Variants in PRKG1 observed in about 807,000 individuals in gnomAD.
PRKG1 encodes protein kinase cGMP-dependent 1.
Under a neutral mutation model 88.1 loss-of-function variants are expected in PRKG1, and 35 were observed. That is an observed-to-expected ratio of 0.40 (90% confidence interval 0.30 to 0.53). The LOEUF is 0.53. Ranked by LOEUF, PRKG1 falls within the 20% of genes least tolerant of loss-of-function variation. The pLI is 0.59. For missense variants in PRKG1, 540 were observed against 839.8 expected (o/e 0.64, Z 4.41); for synonymous variants, 303 against 292.5 (o/e 1.04, Z -0.37).
At chr10:52,201,747 C>T (rs1641880260) in intron 9 of PRKG1, among the ~76,000 whole-genome samples, 1 of 151,910 alleles carries the variant, frequency 6.6e-6, no homozygotes, top group Admixed American at 6.6e-5. Context: ...TTGTGTAATT[C>T]ACTTTGTAGA....
intron 2 of PRKG1, among the ~76,000 whole-genome samples, chr10:51,447,953 C>G (rs757289525): frequency 1.3e-5 from 2 of 152,022 alleles, no homozygotes; most frequent in African/African-American, 4.8e-5. Flanking sequence ...TTGTTCAACT[C>G]AGTATCTAAT....
At chr10:51,124,385 G>A (rs982030874) in intron 1 of PRKG1, among the ~76,000 whole-genome samples, 1 of 151,988 alleles carries the variant, frequency 6.6e-6, no homozygotes, top group East Asian at 1.9e-4. Context: ...GTGTGGAGTG[G>A]GAGGATGGAG....
chr10:52,288,885 T>C, intron 15 of PRKG1, 37 bp downstream of exon 15: 1 of 1,595,534 alleles, frequency 6.3e-7, no homozygotes, highest in Non-Finnish European at 8.5e-7. Context: ...GAAAACATCA[T>C]AATGTGAAAA....
intron 4 of PRKG1, among the ~76,000 whole-genome samples, chr10:51,836,645 A>G (rs1840138506): frequency 6.6e-6 from 1 of 152,194 alleles, no homozygotes; most frequent in Non-Finnish European, 1.5e-5. Context: ...TAAGGGGTAT[A>G]CACTATCCAA....
At chr10:51,989,666 C>T (rs967038742) in intron 5 of PRKG1, among the ~76,000 whole-genome samples, 3 of 151,764 alleles carry the variant, frequency 2.0e-5, no homozygotes, top group Non-Finnish European at 2.9e-5. Context: ...AGAAATGCCT[C>T]ATAGTTCATT....
chr10:51,376,728 G>A (rs1842824604), intron 2 of PRKG1, among the ~76,000 whole-genome samples: 1 of 152,128 alleles, frequency 6.6e-6, no homozygotes, highest in Admixed American at 6.6e-5. Context: ...AGGCTGGAGT[G>A]CAAGGGTGCG....
intron 4 of PRKG1, among the ~76,000 whole-genome samples, chr10:51,876,380 A>T (rs1368151837): frequency 6.6e-6 from 1 of 152,214 alleles, no homozygotes; most frequent in Non-Finnish European, 1.5e-5. Context: ...GTAGCTGCTT[A>T]ATCTACCTGT....
chr10:51,933,891 G>T (rs551983539), intron 5 of PRKG1, among the ~76,000 whole-genome samples: 2 of 152,118 alleles, frequency 1.3e-5, no homozygotes, highest in East Asian at 3.9e-4. Context: ...CTTCAGCAGT[G>T]ACATAACACA....
At chr10:51,753,195 C>T (rs1312807911) in intron 3 of PRKG1, among the ~76,000 whole-genome samples, 1 of 151,746 alleles carries the variant, frequency 6.6e-6, no homozygotes, top group Non-Finnish European at 1.5e-5. Context: ...CATTGCTTAT[C>T]TAATCAATTT....
chr10:51,673,332 A>G (rs1400231292), intron 3 of PRKG1, among the ~76,000 whole-genome samples: 1 of 152,200 alleles, frequency 6.6e-6, no homozygotes, highest in East Asian at 1.9e-4. Flanking sequence ...CCAACATGAT[A>G]AGATGTTCTT....
At chr10:52,195,537 G>A (rs937583044) in intron 9 of PRKG1, among the ~76,000 whole-genome samples, 16 of 152,078 alleles carry the variant, frequency 1.1e-4, no homozygotes, top group African/African-American at 3.9e-4. Flanking sequence ...TTATCAATGT[G>A]TGCTGGGTTC....
intron 2 of PRKG1, chr10:51,306,558 C>G (rs1015323568): frequency 9.2e-5 from 14 of 152,118 alleles, no homozygotes; most frequent in Non-Finnish European, 1.6e-4. Flanking sequence ...AATCGGCTTT[C>G]TCTCTCTCAG....
At chr10:51,179,133 T>G (rs143181113) in intron 2 of PRKG1, among the ~76,000 whole-genome samples, 2 of 152,334 alleles carry the variant, frequency 1.3e-5, no homozygotes, top group East Asian at 3.9e-4. Context: ...CCAGGGATTA[T>G]GAATATGTAA....
intron 3 of PRKG1, among the ~76,000 whole-genome samples, chr10:51,541,013 G>T (rs192865392): frequency 6.6e-6 from 1 of 152,106 alleles, no homozygotes; most frequent in Non-Finnish European, 1.5e-5. Flanking sequence ...CACCACATCC[G>T]GCCCAGTATA....
intron 2 of PRKG1, among the ~76,000 whole-genome samples, chr10:51,193,224 T>C (rs1397130646): frequency 1.3e-5 from 2 of 151,936 alleles, no homozygotes; most frequent in Non-Finnish European, 2.9e-5. Context: ...TGAAGGTACT[T>C]GAATATAGCT....
intron 5 of PRKG1, among the ~76,000 whole-genome samples, chr10:51,996,739 A>G (rs1844453227): frequency 6.6e-6 from 1 of 152,184 alleles, no homozygotes; most frequent in Admixed American, 6.5e-5. Flanking sequence ...TCCTCAAAAA[A>G]TTAGAAATGG....
At chr10:52,018,623 T>C (rs12260697) in intron 5 of PRKG1, among the ~76,000 whole-genome samples, 2,909 of 152,278 alleles carry the variant, frequency 0.019, 95 homozygotes, top group African/African-American at 0.067. Flanking sequence ...CCTAGTTTCT[T>C]TCATATCCTT....
intron 9 of PRKG1, among the ~76,000 whole-genome samples, chr10:52,231,737 A>C (rs1190416892): frequency 6.6e-6 from 1 of 152,204 alleles, no homozygotes; most frequent in Non-Finnish European, 1.5e-5. Context: ...ATGAGAATAT[A>C]TGTTAGCAGC....
At chr10:51,362,126 GA>G (rs939151561) in intron 2 of PRKG1, among the ~76,000 whole-genome samples, 3 of 151,706 alleles carry the variant, frequency 2.0e-5, no homozygotes, top group Non-Finnish European at 4.4e-5. Flanking sequence ...AGGTAGACAA[GA>G]TTTTTTTTTG....
Sources: gnomAD v4.1 joint callset for allele counts (sites outside exome capture counted in the v4.1 genomes callset) on GRCh38, gnomAD v4.1.1 for gene constraint, MANE v1.5 for transcripts, NCBI Gene and HGNC (gene_info 2026-07-23, HGNC 2026-07-21) for gene names.